Variants in THSD7B observed in about 807,000 individuals in gnomAD.
THSD7B encodes the protein thrombospondin type 1 domain containing 7B.
In THSD7B, 138 loss-of-function variants were observed where a neutral mutation model predicts 213.6. The ratio of observed to expected loss-of-function variants is 0.65; its 90% CI spans 0.56 to 0.74. The LOEUF is 0.74. Ranked by LOEUF, THSD7B falls within the 30% of genes least tolerant of loss-of-function variation. THSD7B has a pLI of 0.00. For synonymous variants in THSD7B, 742 were observed against 687.0 expected, an observed-to-expected ratio of 1.08 and a Z score of -1.25; for missense variants, 1,931 against 1,991.5, an observed-to-expected ratio of 0.97 and a Z score of 0.58.
chr2:136,946,208 ACAGT>A (rs532889641), intron 2 of THSD7B, among the ~76,000 whole-genome samples: 13 of 152,044 alleles, frequency 8.6e-5, no homozygotes, highest in Admixed American at 5.2e-4. Context: ...TTTCCTTCTA[ACAGT>A]CAGGTCCCTC....
intron 17 of THSD7B, among the ~76,000 whole-genome samples, chr2:137,582,324 G>C (rs138741976): frequency 6.6e-6 from 1 of 151,932 alleles, no homozygotes; most frequent in Non-Finnish European, 1.5e-5. Context: ...TTTGTTAAAT[G>C]TAGGAAATAG....
intron 12 of THSD7B, among the ~76,000 whole-genome samples, chr2:137,278,260 C>A (rs1682916763): frequency 6.6e-6 from 1 of 152,142 alleles, no homozygotes; most frequent in African/African-American, 2.4e-5. Context: ...ATATTTCAGA[C>A]CACCTGGGGT....
At chr2:137,102,932 G>T (rs1688178744) in intron 4 of THSD7B, among the ~76,000 whole-genome samples, 1 of 152,162 alleles carries the variant, frequency 6.6e-6, no homozygotes, top group Non-Finnish European at 1.5e-5. Flanking sequence ...GAAAGTGACA[G>T]GGAGAATGGA....
chr2:137,582,984 C>A (rs1389537880), intron 17 of THSD7B, among the ~76,000 whole-genome samples: 1 of 152,210 alleles, frequency 6.6e-6, no homozygotes, highest in Non-Finnish European at 1.5e-5. Flanking sequence ...TATTTCTCCA[C>A]ATCCTCTCCA....
At chr2:137,064,385 T>C (rs1281407657) in intron 3 of THSD7B, among the ~76,000 whole-genome samples, 1 of 152,056 alleles carries the variant, frequency 6.6e-6, no homozygotes, top group East Asian at 1.9e-4. Flanking sequence ...TTGTTTGAGC[T>C]TCTTATGTAA....
At chr2:137,561,076 G>A (rs1681107689) in intron 15 of THSD7B, among the ~76,000 whole-genome samples, 1 of 152,168 alleles carries the variant, frequency 6.6e-6, no homozygotes, top group Admixed American at 6.6e-5. Context: ...TTGTTTAAGA[G>A]GTGCTGTTTA....
At chr2:137,233,448 T>C (rs1240827608) in intron 9 of THSD7B, among the ~76,000 whole-genome samples, 2 of 152,216 alleles carry the variant, frequency 1.3e-5, no homozygotes, top group African/African-American at 4.8e-5. Flanking sequence ...TTTACTCTTC[T>C]CAAATCACAT....
intron 3 of THSD7B, among the ~76,000 whole-genome samples, chr2:137,078,956 A>G (rs1375318897): frequency 1.3e-5 from 2 of 152,144 alleles, no homozygotes; most frequent in Non-Finnish European, 2.9e-5. Context: ...CATTGTAAGT[A>G]GAGTGTTGTT....
intron 12 of THSD7B, among the ~76,000 whole-genome samples, chr2:137,382,372 C>T (rs1439872548): frequency 6.6e-6 from 1 of 152,184 alleles, no homozygotes; most frequent in Non-Finnish European, 1.5e-5. Context: ...TAGGCAGAAG[C>T]CCTATGGGTA....
intron 12 of THSD7B, among the ~76,000 whole-genome samples, chr2:137,322,523 C>T (rs1301167917): frequency 6.6e-6 from 1 of 152,146 alleles, no homozygotes; most frequent in Non-Finnish European, 1.5e-5. Context: ...TATAACGAGA[C>T]TGAATCTTGG....
chr2:136,975,666 T>C (rs1558873364), intron 2 of THSD7B, among the ~76,000 whole-genome samples: 1 of 152,288 alleles, frequency 6.6e-6, no homozygotes, highest in Middle Eastern at 3.4e-3. Context: ...CTTGGATGTA[T>C]AGGCTCTTTT....
intron 17 of THSD7B, among the ~76,000 whole-genome samples, chr2:137,589,290 C>A (rs897753668): frequency 6.6e-6 from 1 of 151,964 alleles, no homozygotes; most frequent in African/African-American, 2.4e-5. Flanking sequence ...AAAAATTTTA[C>A]CTAATTCTAT....
intron 14 of THSD7B, among the ~76,000 whole-genome samples, chr2:137,439,270 GA>G (rs1301010644): frequency 6.6e-6 from 1 of 152,000 alleles, no homozygotes; most frequent in African/African-American, 2.4e-5. Flanking sequence ...CTTTTTCTTA[GA>G]GGAATATTTT....
At chr2:137,161,592 A>G (rs188500224) in intron 6 of THSD7B, among the ~76,000 whole-genome samples, 27 of 152,274 alleles carry the variant, frequency 1.8e-4, no homozygotes, top group African/African-American at 6.3e-4. Flanking sequence ...GAAGATGTGT[A>G]TTGGCTTTCA....
intron 14 of THSD7B, among the ~76,000 whole-genome samples, chr2:137,440,111 G>A (rs975833613): frequency 6.6e-6 from 1 of 152,140 alleles, no homozygotes; most frequent in Non-Finnish European, 1.5e-5. Flanking sequence ...GTAGTAATAT[G>A]TTGAATACTG....
chr2:136,984,113 GT>G (rs1685631621), intron 2 of THSD7B, among the ~76,000 whole-genome samples: 1 of 152,222 alleles, frequency 6.6e-6, no homozygotes, highest in African/African-American at 2.4e-5. Flanking sequence ...AGGGAAGTCT[GT>G]GATGAATTAT....
At chr2:137,047,165 G>A (rs770930946) in intron 2 of THSD7B, among the ~76,000 whole-genome samples, 1 of 152,148 alleles carries the variant, frequency 6.6e-6, no homozygotes, top group Non-Finnish European at 1.5e-5. Context: ...TCATCCATGC[G>A]AGAGAAAGCA....
At chr2:137,334,196 CTCTCTT>C (rs760253976) in intron 12 of THSD7B, among the ~76,000 whole-genome samples, 41 of 127,280 alleles carry the variant, frequency 3.2e-4, no homozygotes, top group Middle Eastern at 9.3e-3. Context: ...CTCTCTCTCT[CTCTCTT>C]TCTCTCTTTC....
chr2:136,912,874 G>A (rs1171458655), intron 2 of THSD7B, among the ~76,000 whole-genome samples: 3 of 152,148 alleles, frequency 2.0e-5, no homozygotes, highest in African/African-American at 7.2e-5. Context: ...TTTACCAGCA[G>A]CATGAAAATG....
Sources: gnomAD v4.1 joint callset for allele counts (sites outside exome capture counted in the v4.1 genomes callset) on GRCh38, gnomAD v4.1.1 for gene constraint, MANE v1.5 for transcripts, NCBI Gene and HGNC (gene_info 2026-07-23, HGNC 2026-07-21) for gene names.